The following AGBL4 variants were observed in gnomAD, a reference collection of about 807,000 sequenced individuals.
AGBL4 encodes cytosolic carboxypeptidase 6.
Under a neutral mutation model 66.4 loss-of-function variants are expected in AGBL4, and 58 were observed. The observed-to-expected ratio is 0.87, with a 90% CI of 0.71 to 1.09. The LOEUF (loss-of-function observed/expected upper bound fraction) is 1.09. AGBL4 is among the 50% of genes least tolerant of loss of function. The pLI, the probability that AGBL4 is intolerant of heterozygous loss-of-function variation, is 0.00. For synonymous variants in AGBL4, 234 were observed against 222.9 expected (o/e 1.05, Z -0.44); for missense variants, 579 against 631.0 (o/e 0.92, Z 0.88).
intron 1 of AGBL4, among the ~76,000 whole-genome samples, chr1:50,005,763 G>C (rs1661075844): frequency 6.6e-6 from 1 of 152,118 alleles, no homozygotes; most frequent in Admixed American, 6.5e-5. Context: ...ATAACACAGA[G>C]AAGGAATTCA....
intron 4 of AGBL4, among the ~76,000 whole-genome samples, chr1:49,104,244 A>G (rs768987318): frequency 2.0e-4 from 31 of 152,250 alleles, no homozygotes; most frequent in Non-Finnish European, 3.4e-4. Context: ...TTGTGTCTCC[A>G]TATCACCCTG....
chr1:49,728,228 A>C (rs1196557099), intron 2 of AGBL4, among the ~76,000 whole-genome samples: 3 of 152,224 alleles, frequency 2.0e-5, no homozygotes, highest in African/African-American at 7.2e-5. Context: ...TTGCAAAATA[A>C]CAGGGAGATT....
At chr1:49,355,828 C>T (rs1644007615) in intron 3 of AGBL4, among the ~76,000 whole-genome samples, 1 of 152,144 alleles carries the variant, frequency 6.6e-6, no homozygotes. Context: ...ATGTCACTTC[C>T]TCATAAAGCA....
intron 6 of AGBL4, among the ~76,000 whole-genome samples, chr1:48,687,439 G>T (rs1296408654): frequency 6.6e-6 from 1 of 152,174 alleles, no homozygotes; most frequent in Admixed American, 6.5e-5. Context: ...CTGTGCTGCG[G>T]CACCCCCACA....
chr1:49,107,786 A>G (rs1428740546), intron 4 of AGBL4, among the ~76,000 whole-genome samples: 1 of 151,744 alleles, frequency 6.6e-6, no homozygotes, highest in East Asian at 1.9e-4. Context: ...GCCTGGGTCA[A>G]TAAGAACATC....
Position 48,553,435 on chromosome 1 carries a change from A to C in AGBL4, c.1268-13697T>G, listed in dbSNP as rs148762816. On this transcript the variant is annotated intron_variant, in intron 11 of 13. Coordinates refer to ENST00000371839, the MANE Select transcript of AGBL4 (RefSeq NM_032785.4). ...GCGGAGAAGAGAGAAGGAAGAGAGG[A>C]GTTCTGATGGGCCTGGCTTCAGGCC... Among the ~76,000 whole-genome samples the C allele has an allele frequency of 7.2e-3, 1,093 of 152,274 alleles. 21 individuals are homozygous for C. Among genetic ancestry groups the C allele is most frequent in the South Asian group, 0.044 (214 of 4,810 alleles).
intron 6 of AGBL4, among the ~76,000 whole-genome samples, chr1:48,753,243 TGTCTG>T (rs1557947918): frequency 6.6e-6 from 1 of 152,246 alleles, no homozygotes. Context: ...CTGGTTCTCC[TGTCTG>T]TATGTAGTGG....
chr1:49,658,679 T>G (rs962480262), intron 3 of AGBL4, among the ~76,000 whole-genome samples: 1 of 152,152 alleles, frequency 6.6e-6, no homozygotes, highest in African/African-American at 2.4e-5. Flanking sequence ...TATGCAGCCA[T>G]GAAAAATGAT....
chr1:48,531,917 G>A (rs941538424), downstream of AGBL4, among the ~76,000 whole-genome samples: 1 of 152,120 alleles, frequency 6.6e-6, no homozygotes, highest in Non-Finnish European at 1.5e-5. Context: ...CTGAGTAGCT[G>A]GGATTACAGG....
At chr1:48,579,703 G>A (rs1644708245) in intron 11 of AGBL4, among the ~76,000 whole-genome samples, 1 of 148,548 alleles carries the variant, frequency 6.7e-6, no homozygotes, top group Non-Finnish European at 1.5e-5. Flanking sequence ...GAGGTCAGGA[G>A]ATCGAGACCA....
intron 6 of AGBL4, among the ~76,000 whole-genome samples, chr1:48,797,351 A>T (rs1645708385): frequency 6.6e-6 from 1 of 152,124 alleles, no homozygotes; most frequent in Admixed American, 6.5e-5. Flanking sequence ...CCTAATATGT[A>T]GTGTTTTATC....
Position 49,868,313 on chromosome 1 carries a change from T to C in AGBL4, c.35-16795A>G, listed in dbSNP as rs564333213. 3.3e-5 allele frequency among the ~76,000 whole-genome samples: 5 copies of C among 152,272 alleles called. No individual in the cohort carries two copies. In the South Asian group the frequency reaches 1.0e-3, roughly 32 times the overall value. ...CATGGAACCAAAAAAAGGGCCCATA[T>C]AGCCAAGACAATCCTAAGCAAAGAA... On this transcript the variant is annotated intron_variant, in intron 1 of 13. Transcript: ENST00000371839.
At chr1:49,522,685 C>T (rs371287453) in intron 3 of AGBL4, among the ~76,000 whole-genome samples, 2 of 152,136 alleles carry the variant, frequency 1.3e-5, no homozygotes, top group African/African-American at 4.8e-5. Flanking sequence ...GACCCTTTCA[C>T]TTAGCTCCTG....
intron 4 of AGBL4, among the ~76,000 whole-genome samples, chr1:49,198,619 C>A (rs890647870): frequency 6.6e-6 from 1 of 152,016 alleles, no homozygotes; most frequent in South Asian, 2.1e-4. Context: ...GGATTACGGG[C>A]GTGAAGCACA....
Position 48,590,956 on chromosome 1 carries a change from G to A in AGBL4, c.981C>T (p.Ile327=). 1.2e-6 allele frequency: 2 copies of A among 1,610,650 alleles called. No individual in the cohort carries two copies. The highest frequency in any genetic ancestry group is 8.5e-7 in the Non-Finnish European group (1 of 1,178,696). Reference sequence around the variant, plus strand: ...CATTCATCATGGTGGAGTGGGCATGGATGTCAATATAAAACTCCAGGCTTG... The same window carrying A: ...CATTCATCATGGTGGAGTGGGCATGAATGTCAATATAAAACTCCAGGCTTG... ...PKTSLEFYID[I]HAHSTMMNGF... is the part of the protein sequence containing the mutation. Residue 327 remains isoleucine, a synonymous_variant, in exon 10 of 14, where the codon ATC becomes ATT. Transcript: ENST00000371839.
chr1:49,474,696 G>T (rs1279014301), intron 3 of AGBL4, among the ~76,000 whole-genome samples: 2 of 151,988 alleles, frequency 1.3e-5, no homozygotes, highest in Non-Finnish European at 2.9e-5. Context: ...GGGATATTTG[G>T]CAGAATCTTC....
chr1:49,891,030 TG>T (rs1430554969), intron 1 of AGBL4, among the ~76,000 whole-genome samples: 1 of 152,104 alleles, frequency 6.6e-6, no homozygotes, highest in Non-Finnish European at 1.5e-5. Flanking sequence ...TTAGATAAGA[TG>T]GTAGGGAAGA....
chr1:48,624,795 G>C (rs1226824538), intron 9 of AGBL4, among the ~76,000 whole-genome samples: 1 of 152,184 alleles, frequency 6.6e-6, no homozygotes, highest in Non-Finnish European at 1.5e-5. Flanking sequence ...AGAGTACGGA[G>C]GATTTTGAGA....
chr1:49,341,387 AG>A (rs1645536883), intron 3 of AGBL4, among the ~76,000 whole-genome samples: 1 of 152,206 alleles, frequency 6.6e-6, no homozygotes, highest in African/African-American at 2.4e-5. Flanking sequence ...ATAAGGTTAG[AG>A]GCCCAATATA....
Sources: gnomAD v4.1 joint callset for allele counts (sites outside exome capture counted in the v4.1 genomes callset) on GRCh38, gnomAD v4.1.1 for gene constraint, MANE v1.5 for transcripts, NCBI Gene and HGNC (gene_info 2026-07-23, HGNC 2026-07-21) for gene names.